Variants in DOK5 observed in about 807,000 individuals in gnomAD.
DOK5 encodes downstream of tyrosine kinase 5.
DOK5 carries 27 observed loss-of-function variants against 43.3 expected under a neutral mutation model. That is an observed-to-expected ratio of 0.62 (90% CI 0.46 to 0.86). The LOEUF (loss-of-function observed/expected upper bound fraction) is 0.86. Among genes scored for constraint, DOK5 ranks in the 40% least tolerant of loss-of-function variants. The pLI is 0.00. For missense variants in DOK5, 373 were observed against 392.9 expected (o/e 0.95, Z 0.43); for synonymous variants, 146 against 140.1 (o/e 1.04, Z -0.30).
chr20:54,620,674 A>T (rs1254935617), intron 6 of DOK5, among the ~76,000 whole-genome samples: 1 of 152,212 alleles, frequency 6.6e-6, no homozygotes, highest in African/African-American at 2.4e-5. Flanking sequence ...TTAAATCCAC[A>T]CATCTTTTTA....
rs1446608438 is a variant in DOK5, at chr20:54,643,490, G to A, written c.768G>A (p.Ser256=). The A allele has an allele frequency of 6.2e-7, 1 of 1,613,548 alleles. No individual in the cohort carries two copies. The highest frequency in any genetic ancestry group is 8.5e-7 in the Non-Finnish European group (1 of 1,180,030). ...TGAAGATGAGTGAGCGGGCCGCCTC[G>A]CTGAGCACCATGGTGCCCCTGCCTC... ...LQMKMSERAA[S]LSTMVPLPRS... The change falls in exon 7 of 8, where the codon TCG becomes TCA. Residue 256 remains serine (S), a synonymous_variant. Coordinates refer to ENST00000262593, the MANE Select transcript of DOK5 (RefSeq NM_018431.5).
chr20:54,559,605 T>C (rs1012638549), intron 2 of DOK5, among the ~76,000 whole-genome samples: 9 of 152,238 alleles, frequency 5.9e-5, no homozygotes, highest in African/African-American at 2.2e-4. Context: ...TTGAGATTCA[T>C]AACCCACTGC....
At chr20:54,489,407 T>G (rs1235204170) in intron 1 of DOK5, among the ~76,000 whole-genome samples, 5 of 152,136 alleles carry the variant, frequency 3.3e-5, no homozygotes, top group African/African-American at 7.2e-5. Context: ...TGTGTGTGTG[T>G]GGGCTTGTGT....
chr20:54,589,957 C>T (rs998772763), intron 4 of DOK5, among the ~76,000 whole-genome samples: 3 of 152,042 alleles, frequency 2.0e-5, no homozygotes, highest in Non-Finnish European at 2.9e-5. Context: ...ACAACCAATC[C>T]CCAGGCTCCT....
chr20:54,519,193 C>T (rs1477971689), intron 1 of DOK5, among the ~76,000 whole-genome samples: 1 of 152,124 alleles, frequency 6.6e-6, no homozygotes, highest in Non-Finnish European at 1.5e-5. Context: ...AACTTTAATA[C>T]TTTTAATATA....
intron 1 of DOK5, among the ~76,000 whole-genome samples, chr20:54,513,479 A>G (rs2426520): frequency 0.025 from 3,687 of 148,940 alleles, 172 homozygotes; most frequent in African/African-American, 0.085. Flanking sequence ...AAAAAAAAAA[A>G]AAAAAAAAAC....
chr20:54,562,320 A>G (rs150687369), intron 2 of DOK5, among the ~76,000 whole-genome samples: 1 of 152,318 alleles, frequency 6.6e-6, no homozygotes, highest in Non-Finnish European at 1.5e-5. Context: ...CATGTGACTC[A>G]CATGCCAAAT....
intron 1 of DOK5, among the ~76,000 whole-genome samples, chr20:54,479,500 T>C (rs1055273554): frequency 6.6e-6 from 1 of 152,240 alleles, no homozygotes; most frequent in Admixed American, 6.5e-5. Flanking sequence ...ACCTGCTGAA[T>C]GTGTGACTTA....
chr20:54,507,759 G>A (rs1250906605), intron 1 of DOK5, among the ~76,000 whole-genome samples: 1 of 152,180 alleles, frequency 6.6e-6, no homozygotes, highest in Non-Finnish European at 1.5e-5. Flanking sequence ...GCAGGAATGG[G>A]CTTCTTATGA....
intron 1 of DOK5, among the ~76,000 whole-genome samples, chr20:54,533,773 CAA>C (rs1983860325): frequency 6.6e-6 from 1 of 152,008 alleles, no homozygotes; most frequent in African/African-American, 2.4e-5. Flanking sequence ...ATATAATAAA[CAA>C]TATTTTTATT....
intron 2 of DOK5, among the ~76,000 whole-genome samples, chr20:54,587,633 A>G (rs1985848803): frequency 6.6e-6 from 1 of 152,164 alleles, no homozygotes; most frequent in South Asian, 2.1e-4. Context: ...ATGCGGATGT[A>G]ACTGGATGAG....
At chr20:54,600,810 C>A (rs565077729) in intron 5 of DOK5, among the ~76,000 whole-genome samples, 1 of 152,312 alleles carries the variant, frequency 6.6e-6, no homozygotes, top group Middle Eastern at 3.4e-3. Context: ...GTTTTCCAGG[C>A]AGGCAAACAT....
intron 6 of DOK5, among the ~76,000 whole-genome samples, chr20:54,621,528 C>T (rs961913982): frequency 3.3e-5 from 5 of 152,058 alleles, no homozygotes; most frequent in Non-Finnish European, 7.4e-5. Flanking sequence ...CCTGTCTCTA[C>T]TAAAAATACA....
chr20:54,509,179 TTTTTAA>T (rs1211210746), intron 1 of DOK5, among the ~76,000 whole-genome samples: 3 of 152,144 alleles, frequency 2.0e-5, no homozygotes, highest in Non-Finnish European at 4.4e-5. Flanking sequence ...CCCGGCCTAA[TTTTTAA>T]TTTTAATTTT....
chr20:54,559,349 CT>C (rs1421135712), intron 2 of DOK5, among the ~76,000 whole-genome samples: 1 of 152,172 alleles, frequency 6.6e-6, no homozygotes, highest in African/African-American at 2.4e-5. Flanking sequence ...CCGTATATGT[CT>C]GACAAGTCAT....
At chr20:54,476,763 T>A (rs1233331295) in intron 1 of DOK5, among the ~76,000 whole-genome samples, 1 of 152,176 alleles carries the variant, frequency 6.6e-6, no homozygotes, top group Non-Finnish European at 1.5e-5. Flanking sequence ...GGGACAGATG[T>A]TGACACAGGC....
intron 7 of DOK5, among the ~76,000 whole-genome samples, chr20:54,645,597 A>T (rs551183414): frequency 9.8e-4 from 149 of 152,180 alleles, no homozygotes; most frequent in Non-Finnish European, 6.5e-4. Context: ...GGCTCCAAGA[A>T]AGCCCTCAGG....
At chr20:54,552,650 C>T (rs772026285) in intron 1 of DOK5, among the ~76,000 whole-genome samples, 2 of 152,040 alleles carry the variant, frequency 1.3e-5, no homozygotes, top group Non-Finnish European at 2.9e-5. Context: ...TTATAATTTA[C>T]TTTGTCACTC....
intron 1 of DOK5, among the ~76,000 whole-genome samples, chr20:54,500,962 G>A (rs372314482): frequency 6.6e-6 from 1 of 152,136 alleles, no homozygotes; most frequent in Non-Finnish European, 1.5e-5. Flanking sequence ...GACTAGGTAC[G>A]TAGTTTACTT....
Sources: gnomAD v4.1 joint callset for allele counts (sites outside exome capture counted in the v4.1 genomes callset) on GRCh38, gnomAD v4.1.1 for gene constraint, MANE v1.5 for transcripts, NCBI Gene and HGNC (gene_info 2026-07-23, HGNC 2026-07-21) for gene names.